TUSC3: variants seen among roughly 807,000 people sequenced by gnomAD.
TUSC3 encodes the protein dolichyl-diphosphooligosaccharide--protein glycosyltransferase subunit TUSC3.
A neutral mutation model predicts 44.8 loss-of-function variants in TUSC3; 45 were observed. That is an observed-to-expected ratio of 1.00 (90% CI 0.79 to 1.29). The LOEUF is 1.29. TUSC3 is among the 50% of genes most tolerant of loss of function. TUSC3 has a pLI of 0.00. For missense variants in TUSC3, 519 were observed against 437.9 expected, an observed-to-expected ratio of 1.19 and a Z score of -1.65; for synonymous variants, 212 against 152.9, an observed-to-expected ratio of 1.39 and a Z score of -2.85.
At chr8:15,745,214 A>G (rs1403314137) in intron 8 of TUSC3, among the ~76,000 whole-genome samples, 1 of 151,974 alleles carries the variant, frequency 6.6e-6, no homozygotes, top group Non-Finnish European at 1.5e-5. Context: ...GTACCATGGA[A>G]TCAACCTGGG....
At chr8:15,613,764 A>G (rs1452213462) in intron 1 of TUSC3, among the ~76,000 whole-genome samples, 1 of 152,162 alleles carries the variant, frequency 6.6e-6, no homozygotes, top group African/African-American at 2.4e-5. Flanking sequence ...CATCTTATAG[A>G]TATTTCTGTT....
chr8:15,547,976 A>G (rs7008881), intron 1 of TUSC3, among the ~76,000 whole-genome samples: 24,650 of 151,378 alleles, frequency 0.16, 2,732 homozygotes, highest in Non-Finnish European at 0.22. Flanking sequence ...TTTTAACTTT[A>G]TTTTATTTTT....
chr8:15,428,155 G>A (rs903786769), intron 1 of TUSC3, among the ~76,000 whole-genome samples: 2 of 119,238 alleles, frequency 1.7e-5, no homozygotes, highest in Non-Finnish European at 3.2e-5. Context: ...GTGTGTGATC[G>A]TCCCCTTCCT....
chr8:15,747,501 T>A (rs146526698), intron 8 of TUSC3, among the ~76,000 whole-genome samples: 106 of 152,122 alleles, frequency 7.0e-4, no homozygotes, highest in African/African-American at 2.5e-3. Flanking sequence ...TGGCTCAGAT[T>A]AAGTATTTAA....
the TUSC3 span, among the ~76,000 whole-genome samples, chr8:15,799,650 T>G: frequency 3.3e-5 from 5 of 152,236 alleles, no homozygotes; most frequent in South Asian, 1.0e-3. Context: ...TCCCATGGAC[T>G]TTTCTCAAAT....
the TUSC3 span, among the ~76,000 whole-genome samples, chr8:15,801,125 CAG>C: frequency 6.6e-6 from 1 of 152,166 alleles, no homozygotes. Context: ...ACTCCATAGA[CAG>C]AGCACCCACA....
At chr8:15,836,315 A>G in the TUSC3 span, among the ~76,000 whole-genome samples, 2 of 145,820 alleles carry the variant, frequency 1.4e-5, no homozygotes, top group East Asian at 4.2e-4. Context: ...GCCTCTACTA[A>G]AAATACTTAA....
intron 2 of TUSC3, among the ~76,000 whole-genome samples, chr8:15,633,178 G>A (rs1249513869): frequency 6.6e-6 from 1 of 152,116 alleles, no homozygotes; most frequent in African/African-American, 2.4e-5. Context: ...AGCATTACGT[G>A]TTTTCTTCTC....
intron 1 of TUSC3, among the ~76,000 whole-genome samples, chr8:15,419,036 T>TA (rs1269592860): frequency 6.6e-6 from 1 of 152,076 alleles, no homozygotes; most frequent in African/African-American, 2.4e-5. Context: ...AATTAAAGGT[T>TA]AAAAGTATCT....
intron 2 of TUSC3, among the ~76,000 whole-genome samples, chr8:15,649,730 C>T (rs1350523840): frequency 6.6e-6 from 1 of 152,022 alleles, no homozygotes; most frequent in Non-Finnish European, 1.5e-5. Flanking sequence ...CTAACTTCCT[C>T]TCAAAACTTT....
chr8:15,694,859 CTT>C, intron 6 of TUSC3, among the ~76,000 whole-genome samples: 1 of 152,176 alleles, frequency 6.6e-6, no homozygotes, highest in Non-Finnish European at 1.5e-5. Flanking sequence ...AGCCAAAATG[CTT>C]CATAGGAAGG....
chr8:15,733,322 CATTT>C (rs1385139406), intron 7 of TUSC3: 1 of 369,524 alleles, frequency 2.7e-6, no homozygotes, highest in Non-Finnish European at 5.2e-6. Context: ...GTTTTTAACT[CATTT>C]ATTTAAATAT....
At chr8:15,733,921 G>A (rs1365543136) in intron 7 of TUSC3, among the ~76,000 whole-genome samples, 1 of 152,136 alleles carries the variant, frequency 6.6e-6, no homozygotes, top group Non-Finnish European at 1.5e-5. Context: ...GCATACACCT[G>A]TGGTTCTAGC....
At chr8:15,523,704 G>GTATATATATATA (rs1563273688) in intron 2 of TUSC3, among the ~76,000 whole-genome samples, 8 of 112,594 alleles carry the variant, frequency 7.1e-5, no homozygotes, top group African/African-American at 1.6e-4. Context: ...GTGTGTGTGT[G>GTATATATATATA]TGTGTATATA....
upstream of TUSC3, among the ~76,000 whole-genome samples, chr8:15,536,219 T>C (rs942120988): frequency 2.6e-5 from 4 of 152,056 alleles, no homozygotes; most frequent in African/African-American, 7.2e-5. Flanking sequence ...TGGAGCAGCA[T>C]GAGAAAGCAG....
intron 8 of TUSC3, among the ~76,000 whole-genome samples, chr8:15,743,916 CAG>C (rs1481704427): frequency 2.0e-5 from 3 of 152,058 alleles, no homozygotes; most frequent in Admixed American, 6.6e-5. Context: ...CCACCCGGCA[CAG>C]AGAGATGGAA....
At chr8:15,776,496 A>G in the TUSC3 span, among the ~76,000 whole-genome samples, 2 of 152,082 alleles carry the variant, frequency 1.3e-5, no homozygotes, top group African/African-American at 4.8e-5. Context: ...AGCCTGCAGG[A>G]ATTTCTCATC....
chr8:15,480,376 T>C (rs1364889533), intron 1 of TUSC3, among the ~76,000 whole-genome samples: 1 of 152,186 alleles, frequency 6.6e-6, no homozygotes, highest in Non-Finnish European at 1.5e-5. Flanking sequence ...GAACATATGC[T>C]ATACTTGACT....
the TUSC3 span, among the ~76,000 whole-genome samples, chr8:15,779,553 AG>A: frequency 2.0e-5 from 3 of 152,212 alleles, no homozygotes; most frequent in Non-Finnish European, 4.4e-5. Flanking sequence ...TTAAAATTTC[AG>A]TAAGTACTTT....
Sources: gnomAD v4.1 joint callset for allele counts (sites outside exome capture counted in the v4.1 genomes callset) on GRCh38, gnomAD v4.1.1 for gene constraint, MANE v1.5 for transcripts, NCBI Gene and HGNC (gene_info 2026-07-23, HGNC 2026-07-21) for gene names.